Variants in SLC9B2 observed in about 807,000 individuals in gnomAD.
SLC9B2 encodes solute carrier family 9 member B2.
In SLC9B2, 39 loss-of-function variants were observed where a neutral mutation model predicts 52.2. The ratio of observed to expected loss-of-function variants is 0.75; its 90% confidence interval spans 0.58 to 0.98. SLC9B2 has a LOEUF of 0.98. Among genes scored for constraint, SLC9B2 ranks in the 50% least tolerant of loss-of-function variants. SLC9B2 has a pLI of 0.00. For synonymous variants in SLC9B2, 214 were observed against 227.0 expected (o/e 0.94, Z 0.51); for missense variants, 626 against 637.5 (o/e 0.98, Z 0.19).
intron 9 of SLC9B2, among the ~76,000 whole-genome samples, chr4:103,034,336 C>T (rs1188075900): frequency 2.0e-5 from 3 of 152,046 alleles, no homozygotes; most frequent in Non-Finnish European, 2.9e-5. Context: ...AATGTAAAAC[C>T]GAAAACTACA....
At chr4:103,045,618 G>T (rs113882939) in intron 7 of SLC9B2, among the ~76,000 whole-genome samples, 1 of 152,058 alleles carries the variant, frequency 6.6e-6, no homozygotes, top group East Asian at 1.9e-4. Context: ...CGTAGTTGGT[G>T]GGGGGGTGGG....
At chr4:103,028,144 T>G (rs1742390538) in intron 11 of SLC9B2, among the ~76,000 whole-genome samples, 1 of 152,160 alleles carries the variant, frequency 6.6e-6, no homozygotes, top group Admixed American at 6.6e-5. Context: ...GCTTTATTTA[T>G]CACGTTTATT....
chr4:103,055,962 C>T (rs2110634387), intron 4 of SLC9B2, among the ~76,000 whole-genome samples: 1 of 151,868 alleles, frequency 6.6e-6, no homozygotes, highest in East Asian at 2.0e-4. Context: ...CGCCACCACG[C>T]CTGACTAATT....
At chr4:103,033,510 A>G (rs1410279550) in intron 9 of SLC9B2, among the ~76,000 whole-genome samples, 1 of 152,170 alleles carries the variant, frequency 6.6e-6, no homozygotes, top group Non-Finnish European at 1.5e-5. Context: ...AGATTATACT[A>G]TACCTGGAAA....
chr4:103,070,481 C>T (rs959609103), intron 1 of SLC9B2, among the ~76,000 whole-genome samples: 7 of 152,210 alleles, frequency 4.6e-5, no homozygotes, highest in African/African-American at 9.7e-5. Flanking sequence ...CCCTCTGTTG[C>T]CCAGGCTATA....
Position 103,022,712 on chromosome 4 carries a change from A to C in SLC9B2, c.*3658T>G, listed in dbSNP as rs1741884126. Among the ~76,000 whole-genome samples the C allele has an allele frequency of 6.6e-6, 1 of 152,210 alleles. No homozygotes were observed. The highest frequency in any genetic ancestry group is 6.5e-5 in the Admixed American group (1 of 15,288). ...AATATACTGTCCTTGGAAATATGACACTTCTTTCAGGGACTGAATTATGTC... is the reference window on the plus strand; with the variant it reads ...AATATACTGTCCTTGGAAATATGACCCTTCTTTCAGGGACTGAATTATGTC... On this transcript the variant is annotated 3_prime_UTR_variant, in exon 12 of 12. Transcript: ENST00000394785.
chr4:103,067,313 GTT>G, intron 2 of SLC9B2, 146 bp downstream of exon 2: 1 of 639,942 alleles, frequency 1.6e-6, no homozygotes, highest in South Asian at 2.0e-5. Context: ...CATTTTTCTA[GTT>G]ACAGGTAGGG....
chr4:103,051,359 G>C (rs1257608698), intron 4 of SLC9B2, among the ~76,000 whole-genome samples: 1 of 152,128 alleles, frequency 6.6e-6, no homozygotes, highest in Admixed American at 6.5e-5. Flanking sequence ...GTCCCTATAA[G>C]CACCACACTT....
chr4:103,059,335 TTTC>T (rs1745431960), intron 3 of SLC9B2, among the ~76,000 whole-genome samples: 2 of 152,206 alleles, frequency 1.3e-5, no homozygotes, highest in African/African-American at 2.4e-5. Flanking sequence ...TTGAGGGTAT[TTTC>T]TTTAAACAGA....
Position 103,022,727 on chromosome 4 carries a change from T to G in SLC9B2, c.*3643A>C, listed in dbSNP as rs909902888. ...GAAATATGACACTTCTTTCAGGGAC[T>G]GAATTATGTCCTTCCCCACACATTC... On this transcript the variant is annotated 3_prime_UTR_variant, in exon 12 of 12. Transcript: ENST00000394785. Among the ~76,000 whole-genome samples, 13 of 152,340 alleles carry G rather than the reference T, an allele frequency of 8.5e-5. No homozygotes were observed. The highest frequency in any genetic ancestry group is 3.1e-4 in the African/African-American group (13 of 41,582).
intron 1 of SLC9B2, among the ~76,000 whole-genome samples, chr4:103,073,281 A>G (rs1205817589): frequency 1.3e-5 from 2 of 152,226 alleles, no homozygotes; most frequent in African/African-American, 2.4e-5. Flanking sequence ...TCAATACTCT[A>G]TAATGATAAT....
At chr4:103,052,852 G>A (rs1560552575) in intron 4 of SLC9B2, among the ~76,000 whole-genome samples, 1 of 151,970 alleles carries the variant, frequency 6.6e-6, no homozygotes, top group South Asian at 2.1e-4. Flanking sequence ...CTCTTGGCCT[G>A]AGAGAGCATT....
intron 9 of SLC9B2, 123 bp downstream of exon 9, chr4:103,043,173 G>T: frequency 1.9e-6 from 2 of 1,042,114 alleles, no homozygotes; most frequent in South Asian, 2.0e-5. Context: ...ATTTGTATAT[G>T]CACATTAAGA....
intron 10 of SLC9B2, among the ~76,000 whole-genome samples, chr4:103,030,151 T>G (rs1742570185): frequency 1.3e-5 from 2 of 152,266 alleles, no homozygotes; most frequent in Middle Eastern, 3.4e-3. Flanking sequence ...GACATACAAG[T>G]GGTGCTGTCC....
intron 9 of SLC9B2, among the ~76,000 whole-genome samples, chr4:103,032,965 G>A (rs1742832679): frequency 6.6e-6 from 1 of 152,136 alleles, no homozygotes; most frequent in Non-Finnish European, 1.5e-5. Flanking sequence ...ATTCTTTAAG[G>A]ATGTCTTCAC....
At chr4:103,055,532 G>A (rs985490672) in intron 4 of SLC9B2, among the ~76,000 whole-genome samples, 1 of 152,064 alleles carries the variant, frequency 6.6e-6, no homozygotes, top group Non-Finnish European at 1.5e-5. Flanking sequence ...ATGGGGCATA[G>A]TAAGAGATAA....
intron 9 of SLC9B2, among the ~76,000 whole-genome samples, chr4:103,036,066 T>C (rs1342894866): frequency 6.6e-6 from 1 of 152,088 alleles, no homozygotes. Context: ...AACAACAGGC[T>C]AGAGAACACA....
At chr4:103,038,168 G>C (rs1038477107) in intron 9 of SLC9B2, among the ~76,000 whole-genome samples, 6 of 152,088 alleles carry the variant, frequency 3.9e-5, no homozygotes, top group Admixed American at 6.6e-5. Context: ...GCCAACGTAA[G>C]ACTTTAGTTG....
chr4:103,050,100 G>A (rs1744533581), intron 5 of SLC9B2, 140 bp downstream of exon 5: 2 of 757,084 alleles, frequency 2.6e-6, no homozygotes, highest in Non-Finnish European at 1.9e-6. Context: ...AATCCTCCAT[G>A]AAATAAATTC....
Sources: gnomAD v4.1 joint callset for allele counts (sites outside exome capture counted in the v4.1 genomes callset) on GRCh38, gnomAD v4.1.1 for gene constraint, MANE v1.5 for transcripts, NCBI Gene and HGNC (gene_info 2026-07-23, HGNC 2026-07-21) for gene names.